POLR1C: variants seen among roughly 807,000 people sequenced by gnomAD.
POLR1C encodes the protein DNA-directed RNA polymerases I and III subunit RPAC1.
A neutral mutation model predicts 38.3 loss-of-function variants in POLR1C; 42 were observed. That is an observed-to-expected ratio of 1.10 (90% CI 0.86 to 1.42). POLR1C has a LOEUF of 1.42. Among genes scored for constraint, POLR1C ranks in the 40% most tolerant of loss-of-function variants. The pLI, the probability that POLR1C is intolerant of heterozygous loss-of-function variation, is 0.00. For synonymous variants in POLR1C, 163 were observed against 163.9 expected, an observed-to-expected ratio of 0.99 and a Z score of 0.04; for missense variants, 507 against 450.5, an observed-to-expected ratio of 1.13 and a Z score of -1.14.
chr6:43,520,505 A>G (rs980217308), intron 6 of POLR1C, 78 bp downstream of exon 6: 21 of 1,601,360 alleles, frequency 1.3e-5, no homozygotes, highest in South Asian at 9.9e-5. Context: ...AACTCAGCTG[A>G]GACATTCCCG....
In POLR1C at chr6:43,519,421, G is replaced by A. The variant is rs778090042; in HGVS notation, c.230G>A (p.Arg77Gln). 7.4e-6 allele frequency: 12 copies of A among 1,612,992 alleles called. No individual in the cohort carries two copies. The highest frequency in any genetic ancestry group is 1.1e-5 in the South Asian group (1 of 91,054). ...GIDAAIANAF[R>Q]RILLAEVPTM... ...GACGCAGCCATTGCCAATGCTTTTC[G>A]ACGAATTCTGCTAGCTGAGGTATTG... The change falls in exon 3 of 9, where the codon CGA (arginine) becomes CAA (glutamine). Residue 77 changes from arginine to glutamine, a missense_variant. Transcript: ENST00000642195.
At chr6:43,528,035 TGA>T (rs1053692314) in intron 8 of POLR1C, 113 of 1,018,690 alleles carry the variant, frequency 1.1e-4, no homozygotes, top group Non-Finnish European at 1.6e-4. Flanking sequence ...TCACCTAGGC[TGA>T]GAATGACTAC....
At chr6:43,562,127 T>C (rs1762449863) in exon 11 of POLR1C, 2 of 662,270 alleles carry the variant, frequency 3.0e-6, no homozygotes, top group South Asian at 2.0e-5. Context: ...CAATAACTTG[T>C]ATGGCACTGC....
chr6:43,523,845 G>C, downstream of POLR1C: 1 of 1,613,970 alleles, frequency 6.2e-7, no homozygotes, highest in Non-Finnish European at 8.5e-7. Flanking sequence ...GAAAGGCCGA[G>C]GAAGGATGCC....
At chr6:43,532,052 A>G (rs1438062355), downstream of POLR1C, among the ~76,000 whole-genome samples, 1 of 152,178 alleles carries the variant, frequency 6.6e-6, no homozygotes, top group Non-Finnish European at 1.5e-5. Context: ...GTCAGAAGCT[A>G]TCTGTGGGAA....
In POLR1C at chr6:43,517,568, C is replaced by T. The variant is rs916645710; in HGVS notation, c.141+191C>T. 2.0e-5 allele frequency among the ~76,000 whole-genome samples: 3 copies of T among 151,924 alleles called. No homozygotes were observed. In the South Asian group the frequency reaches 6.2e-4, roughly 32 times the overall value. On this transcript the variant is annotated intron_variant, in intron 2 of 8. Coordinates refer to ENST00000642195, the MANE Select transcript of POLR1C (RefSeq NM_203290.4). ...ACCCAGTTCTGCAAAGATGTTCAGT[C>T]TTGTTGAGGAATGGTGTGTATAAAC...
chr6:43,519,242 T>C lies in POLR1C; in HGVS notation c.142-91T>C, dbSNP rs1012518859. On this transcript the variant is annotated intron_variant, in intron 2 of 8. Transcript: ENST00000642195. ...AAAGGGAGGTTTTTGGATGAGAGGA[T>C]AATACTTGAGGGAATTATCTAAGGG... 5 of 799,068 alleles carry C rather than the reference T, an allele frequency of 6.3e-6. No homozygotes were observed. The African/African-American group carries it at 8.5e-5, about 14-fold the overall frequency. The allele number at this position is 799,068 out of a possible 1,614,324, so 49.5% of individuals were successfully genotyped here.
chr6:43,539,304 T>C lies in POLR1C; in HGVS notation c.*4+9945T>C, dbSNP rs1326810728. ...TTAACACCCAGACCGACGTGGCCAC[T>C]GTAGTCCCCGATAGCAACAAACGCC... On this transcript the variant is annotated intron_variant, in intron 9 of 10. Transcript: ENST00000607635. 4 of 1,554,960 alleles carry C rather than the reference T, an allele frequency of 2.6e-6. No individual in the cohort carries two copies. In the African/African-American group the frequency reaches 4.1e-5, roughly 16 times the overall value.
chr6:43,521,238 A>T lies in POLR1C; in HGVS notation c.979A>T (p.Lys327Ter), dbSNP rs387907020. The T allele has an allele frequency of 3.7e-6, 6 of 1,613,650 alleles. No homozygotes were observed. Among genetic ancestry groups the T allele is most frequent in the African/African-American group, 1.3e-5 (1 of 74,894 alleles). Residue 327 changes from lysine (K) to a stop codon, truncating the protein, a stop_gained, in exon 9 of 9, where the codon AAA (lysine) becomes TAA (stop). Coordinates refer to ENST00000642195, the MANE Select transcript of POLR1C (RefSeq NM_203290.4). LOFTEE classifies it high-confidence loss of function. ...PPDVLVSEAI[K>*]VLMGKCRRFL... ...AGATGTGCTGGTGAGTGAAGCCATC[A>T]AAGTACTGATGGGGAAGTGCCGGCG... is the stretch of plus-strand genomic sequence containing the variant.
intron 10 of POLR1C, among the ~76,000 whole-genome samples, chr6:43,552,222 T>C (rs548131408): frequency 6.6e-6 from 1 of 152,096 alleles, no homozygotes; most frequent in Non-Finnish European, 1.5e-5. Context: ...CATGCCCGGC[T>C]AATTTTTGTA....
At chr6:43,531,817 G>A (rs930436467), downstream of POLR1C, among the ~76,000 whole-genome samples, 1 of 151,928 alleles carries the variant, frequency 6.6e-6, no homozygotes, top group Non-Finnish European at 1.5e-5. Context: ...TCCCCCAGAT[G>A]GAACCTGTAC....
downstream of POLR1C, chr6:43,524,401 G>A: frequency 6.5e-7 from 1 of 1,527,052 alleles, no homozygotes. Flanking sequence ...AACTACAGCT[G>A]GTTTATGGTT....
At position 43,557,779 on chromosome 6, in the gene POLR1C, GCT is replaced by G. The variant is rs1314329190; in HGVS notation, c.*49-3620_*49-3619del. On this transcript the variant is annotated intron_variant, in intron 10 of 10. Coordinates refer to the POLR1C transcript ENST00000607635. ...GGTAAATGAATTTTGTCTCAATAAA[GCT>G]GTAAAAAAAAAAAAAAAAAAAAAAA... Among the ~76,000 whole-genome samples, 58 of 78,724 alleles carry G rather than the reference GCT, an allele frequency of 7.4e-4. 1 individual carries two copies. In the South Asian group the frequency reaches 0.026, roughly 35 times the overall value. 51.6% of individuals were successfully genotyped at this position (78,724 alleles called of 152,430 possible).
At position 43,549,950 on chromosome 6, in the gene POLR1C, A is replaced by T. The variant is rs761369158; in HGVS notation, c.*5-1018A>T. ...ATGAAAATAGCTAAGGGAGAGGAGG[A>T]AAAAAGGTCACTCATGTTTATTTGT... On this transcript the variant is annotated intron_variant, in intron 9 of 10. Coordinates refer to the POLR1C transcript ENST00000607635. 3 of 1,610,248 alleles carry T rather than the reference A, an allele frequency of 1.9e-6. No individual in the cohort carries two copies. In the Admixed American group the frequency reaches 5.0e-5, roughly 27 times the overall value.
chr6:43,523,501 G>T (rs1793329312), downstream of POLR1C: 2 of 403,558 alleles, frequency 5.0e-6, no homozygotes, highest in South Asian at 4.0e-5. Flanking sequence ...CTAGTCGCAG[G>T]GTTGGGCACA....
intron 9 of POLR1C, chr6:43,549,948 G>T: frequency 5.6e-6 from 9 of 1,611,258 alleles, no homozygotes; most frequent in Non-Finnish European, 6.8e-6. Context: ...AGGGAGAGGA[G>T]GAAAAAAGGT....
chr6:43,553,526 T>TACAC lies in POLR1C; in HGVS notation c.*48+2535_*48+2538dup, dbSNP rs111634867. ...AAGCTTTAAAACACACACACACACA[T>TACAC]ACACACACACACACACACACACAAT... is the stretch of plus-strand genomic sequence containing the variant. On this transcript the variant is annotated intron_variant, in intron 10 of 10. Coordinates refer to the POLR1C transcript ENST00000607635. The TACAC allele has an allele frequency of 3.0e-3, 4,337 of 1,447,874 alleles. 42 individuals carry two copies. In the African/African-American group the frequency reaches 0.046, roughly 15 times the overall value. 89.7% of individuals were successfully genotyped at this position (1,447,874 alleles called of 1,614,324 possible).
intron 9 of POLR1C, chr6:43,539,020 G>C: frequency 6.5e-7 from 1 of 1,541,330 alleles, no homozygotes; most frequent in Non-Finnish European, 8.9e-7. Context: ...TGGCAGTGCA[G>C]CCCTGGGCTG....
chr6:43,546,080 T>C (rs1205946176), intron 9 of POLR1C, among the ~76,000 whole-genome samples: 1 of 152,120 alleles, frequency 6.6e-6, no homozygotes, highest in Non-Finnish European at 1.5e-5. Flanking sequence ...TCTAGCAAAC[T>C]CAGATGAAAA....
Sources: allele counts gnomAD v4.1 joint callset (sites outside exome capture counted in the v4.1 genomes callset), GRCh38; gene constraint gnomAD v4.1.1; transcripts MANE v1.5; gene names NCBI Gene and HGNC (gene_info 2026-07-23, HGNC 2026-07-21).